KIAA1328: variants seen among roughly 807,000 people sequenced by gnomAD.
KIAA1328 encodes KIAA1328.
A neutral mutation model predicts 68.1 loss-of-function variants in KIAA1328; 52 were observed. The ratio of observed to expected loss-of-function variants is 0.76; its 90% confidence interval spans 0.61 to 0.96. The LOEUF is 0.96. KIAA1328 is among the 40% of genes least tolerant of loss of function. The pLI is 0.00. For synonymous variants in KIAA1328, 232 were observed against 239.4 expected, an observed-to-expected ratio of 0.97 and a Z score of 0.28; for missense variants, 641 against 677.6, an observed-to-expected ratio of 0.95 and a Z score of 0.60.
Position 37,067,377 on chromosome 18 carries a change from T to C in KIAA1328, c.1064T>C (p.Ile355Thr), listed in dbSNP as rs1465042476. The C allele has an allele frequency of 5.6e-6, 9 of 1,613,380 alleles. No individual in the cohort carries two copies. Among genetic ancestry groups the C allele is most frequent in the African/African-American group, 2.7e-5 (2 of 74,888 alleles). ...LVHGGGALQP[I>T]ETLKKQISED... ...CATGGTGGTGGGGCACTGCAACCCA[T>C]TGAAACTTTGAAAAAGCAGATCTCA... is the stretch of plus-strand genomic sequence containing the variant. The change falls in exon 7 of 10, where the codon ATT becomes ACT. Residue 355 changes from isoleucine (I) to threonine (T), a missense_variant. Transcript: ENST00000280020.
chr18:36,892,314 T>G (rs1359332615), intron 5 of KIAA1328, among the ~76,000 whole-genome samples: 1 of 152,132 alleles, frequency 6.6e-6, no homozygotes, highest in African/African-American at 2.4e-5. Flanking sequence ...TGTTCTAGTC[T>G]TTGAAATAGT....
At chr18:36,862,470 ACTT>A (rs1464089204) in intron 4 of KIAA1328, among the ~76,000 whole-genome samples, 7 of 152,098 alleles carry the variant, frequency 4.6e-5, no homozygotes, top group Admixed American at 2.0e-4. Flanking sequence ...TTTGTGACTG[ACTT>A]CTTTTTTTTT....
Position 36,926,877 on chromosome 18 carries a change from A to G in KIAA1328, c.449-32431A>G, listed in dbSNP as rs1403204043. 2.6e-5 allele frequency among the ~76,000 whole-genome samples: 4 copies of G among 152,294 alleles called. No individual in the cohort carries two copies. The East Asian group carries it at 5.8e-4, about 22-fold the overall frequency. On this transcript the variant is annotated intron_variant, in intron 5 of 9. Coordinates refer to ENST00000280020, the MANE Select transcript of KIAA1328 (RefSeq NM_020776.3). ...GCTTTATAGGAAGCATTGTCCCGGC[A>G]TCTGCTTCTTCTAAGGGCCTCAGGA...
chr18:36,915,242 T>A (rs187709734), intron 5 of KIAA1328, among the ~76,000 whole-genome samples: 45 of 152,230 alleles, frequency 3.0e-4, no homozygotes, highest in Admixed American at 1.4e-3. Flanking sequence ...GCAAATATGG[T>A]CAGTGGTTTT....
chr18:37,192,639 T>C (rs987727254), intron 9 of KIAA1328, among the ~76,000 whole-genome samples: 4 of 151,428 alleles, frequency 2.6e-5, no homozygotes, highest in Non-Finnish European at 5.9e-5. Context: ...ACAGTGCTTG[T>C]CTCTCAGTAC....
At chr18:36,890,538 G>A (rs928691875) in intron 5 of KIAA1328, among the ~76,000 whole-genome samples, 1 of 152,106 alleles carries the variant, frequency 6.6e-6, no homozygotes, top group African/African-American at 2.4e-5. Context: ...GGGCAAGGTG[G>A]TGTGTGCCTG....
At chr18:36,877,888 C>T (rs1010514850) in intron 4 of KIAA1328, among the ~76,000 whole-genome samples, 5 of 151,806 alleles carry the variant, frequency 3.3e-5, no homozygotes, top group African/African-American at 2.4e-5. Flanking sequence ...AGGATGGTCT[C>T]GATCTCCTGA....
Position 37,067,052 on chromosome 18 carries a change from T to C in KIAA1328, c.739T>C (p.Leu247=), listed in dbSNP as rs955635918. The C allele has an allele frequency of 5.0e-6, 8 of 1,613,830 alleles. No homozygotes were observed. The African/African-American group carries it at 9.3e-5, about 19-fold the overall frequency. Residue 247 remains leucine (L), a synonymous_variant, in exon 7 of 10, where the codon TTG becomes CTG. Coordinates refer to ENST00000280020, the MANE Select transcript of KIAA1328 (RefSeq NM_020776.3). Reference sequence around the variant, plus strand: ...CCTTATAGCATTTAGGAATAATTCTTTGAAACCAGTAACCCTTCATCATCC... The same window carrying C: ...CCTTATAGCATTTAGGAATAATTCTCTGAAACCAGTAACCCTTCATCATCC... ...ESLIAFRNNS[L]KPVTLHHPKD... is the part of the protein sequence containing the mutation.
At chr18:36,920,427 A>G (rs2049874898) in intron 5 of KIAA1328, among the ~76,000 whole-genome samples, 1 of 151,716 alleles carries the variant, frequency 6.6e-6, no homozygotes, top group Non-Finnish European at 1.5e-5. Flanking sequence ...TTTTTGTGCC[A>G]GTACTGTGCC....
chr18:37,069,622 C>G (rs77078582), intron 7 of KIAA1328, among the ~76,000 whole-genome samples: 4,071 of 152,216 alleles, frequency 0.027, 70 homozygotes, highest in Non-Finnish European at 0.044. Flanking sequence ...TAGTAGAATT[C>G]TCCAGTGAAG....
intron 6 of KIAA1328, among the ~76,000 whole-genome samples, chr18:37,059,212 G>A (rs1396600220): frequency 6.6e-6 from 1 of 151,774 alleles, no homozygotes; most frequent in Non-Finnish European, 1.5e-5. Context: ...AAAACATTTG[G>A]CATACTACAT....
At chr18:37,128,306 T>TA (rs999948556) in intron 7 of KIAA1328, among the ~76,000 whole-genome samples, 2 of 151,948 alleles carry the variant, frequency 1.3e-5, no homozygotes, top group Non-Finnish European at 2.9e-5. Flanking sequence ...CTGATTTTAC[T>TA]AAAAAAATAC....
At chr18:37,116,940 G>A (rs1354511074) in intron 7 of KIAA1328, among the ~76,000 whole-genome samples, 1 of 152,170 alleles carries the variant, frequency 6.6e-6, no homozygotes, top group East Asian at 1.9e-4. Context: ...TCAGAGAAAT[G>A]CAAATCAAAA....
At chr18:36,966,438 G>A (rs1160441057) in intron 6 of KIAA1328, among the ~76,000 whole-genome samples, 1 of 152,164 alleles carries the variant, frequency 6.6e-6, no homozygotes, top group Non-Finnish European at 1.5e-5. Flanking sequence ...GTGTGTGTGT[G>A]TACATTTGTG....
At chr18:36,978,436 G>A (rs773419177) in intron 6 of KIAA1328, among the ~76,000 whole-genome samples, 7 of 152,190 alleles carry the variant, frequency 4.6e-5, no homozygotes, top group African/African-American at 1.2e-4. Flanking sequence ...TTCAGAAATC[G>A]GTTTGCATAT....
intron 7 of KIAA1328, among the ~76,000 whole-genome samples, chr18:37,100,516 G>A (rs1178892357): frequency 2.0e-5 from 3 of 152,330 alleles, no homozygotes; most frequent in East Asian, 1.9e-4. Flanking sequence ...TAAACAAAGC[G>A]GCCAGGAGGC....
At chr18:36,854,913 G>C (rs945303578) in intron 4 of KIAA1328, among the ~76,000 whole-genome samples, 37 of 152,248 alleles carry the variant, frequency 2.4e-4, no homozygotes, top group African/African-American at 7.9e-4. Flanking sequence ...GAATTATATA[G>C]TGTGATCTTT....
intron 8 of KIAA1328, among the ~76,000 whole-genome samples, chr18:37,170,020 A>T (rs980884246): frequency 1.3e-5 from 2 of 152,112 alleles, no homozygotes; most frequent in Admixed American, 6.6e-5. Context: ...CTCACTCACA[A>T]ATCCCTTTCA....
chr18:37,195,306 C>T (rs981533883), intron 9 of KIAA1328, among the ~76,000 whole-genome samples: 1 of 152,264 alleles, frequency 6.6e-6, no homozygotes, highest in African/African-American at 2.4e-5. Context: ...TGTGCAGAAG[C>T]TCTTTAGTGT....
Sources: allele counts gnomAD v4.1 joint callset (sites outside exome capture counted in the v4.1 genomes callset), GRCh38; gene constraint gnomAD v4.1.1; transcripts MANE v1.5; gene names NCBI Gene and HGNC (gene_info 2026-07-23, HGNC 2026-07-21).